Variants in LYN observed in about 807,000 individuals in gnomAD.
LYN encodes the protein tyrosine-protein kinase Lyn.
A neutral mutation model predicts 65.0 loss-of-function variants in LYN; 12 were observed. The ratio of observed to expected loss-of-function variants is 0.18; its 90% CI spans 0.12 to 0.30. The LOEUF (loss-of-function observed/expected upper bound fraction) is 0.30, where lower values mean the gene tolerates loss of function less well. LYN is among the 10% of genes least tolerant of loss of function. The pLI is 1.00. For synonymous variants in LYN, 222 were observed against 221.2 expected (o/e 1.00, Z -0.03); for missense variants, 380 against 623.2 (o/e 0.61, Z 4.16).
Position 56,006,512 on chromosome 8 carries a change from CCTT to C in LYN, c.1337-3390_1337-3388del, listed in dbSNP as rs552901878. On this transcript the variant is annotated intron_variant, in intron 12 of 12. Coordinates refer to ENST00000519728, the MANE Select transcript of LYN (RefSeq NM_002350.4). Reference sequence around the variant, plus strand: ...TTTCTCTACTGTACCACATTTTTCTCCTTCTTCTGCTTCTTTACCAACTTGTAG... The same window carrying C: ...TTTCTCTACTGTACCACATTTTTCTCCTTCTGCTTCTTTACCAACTTGTAG... Among the ~76,000 whole-genome samples the C allele has an allele frequency of 4.9e-3, 748 of 152,284 alleles. 7 individuals carry two copies. Among genetic ancestry groups the C allele is most frequent in the African/African-American group, 0.017 (700 of 41,564 alleles).
chr8:56,007,957 A>G lies in LYN; in HGVS notation c.1337-1951A>G, dbSNP rs191520039. ...AACATGGTGAAACCCCGTCTCTACT[A>G]AAAATACAAAAATTAGCCGGGCATG... On this transcript the variant is annotated intron_variant, in intron 12 of 12. Transcript: ENST00000519728. Among the ~76,000 whole-genome samples the G allele has an allele frequency of 2.5e-3, 387 of 152,036 alleles. 4 individuals are homozygous for G. Among genetic ancestry groups the G allele is most frequent in the African/African-American group, 9.0e-3 (374 of 41,456 alleles).
At chr8:55,915,833 C>T (rs1436130867) in intron 1 of LYN, among the ~76,000 whole-genome samples, 1 of 151,584 alleles carries the variant, frequency 6.6e-6, no homozygotes, top group African/African-American at 2.4e-5. Flanking sequence ...AGAGAGCGAG[C>T]GAGCGAGAGA....
chr8:55,903,365 A>G lies in LYN; in HGVS notation c.-6+23262A>G, dbSNP rs866724507. Among the ~76,000 whole-genome samples, 5 of 152,360 alleles carry G rather than the reference A, an allele frequency of 3.3e-5. No individual in the cohort carries two copies. In the South Asian group the frequency reaches 1.0e-3, roughly 32 times the overall value. ...TTTGAGGTGTTTATTTGAAGTATTC[A>G]AAAGAACAGAGAGATTCCAGTAGGG... On this transcript the variant is annotated intron_variant, in intron 1 of 12. Transcript: ENST00000519728.
chr8:55,986,189 C>CG (rs1226568612), intron 10 of LYN, among the ~76,000 whole-genome samples: 2 of 150,718 alleles, frequency 1.3e-5, no homozygotes, highest in African/African-American at 4.9e-5. Flanking sequence ...CCAGAATCCC[C>CG]CCCGCAAAAA....
intron 8 of LYN, among the ~76,000 whole-genome samples, chr8:55,966,407 A>G (rs1472926582): frequency 2.0e-5 from 3 of 150,948 alleles, no homozygotes; most frequent in Admixed American, 1.3e-4. Flanking sequence ...GCACTCTGTC[A>G]CCCAGGCTGG....
intron 1 of LYN, among the ~76,000 whole-genome samples, chr8:55,909,278 G>A (rs950581318): frequency 6.6e-6 from 1 of 152,058 alleles, no homozygotes; most frequent in African/African-American, 2.4e-5. Flanking sequence ...CAGGAGGAGG[G>A]CCTCTCTGCA....
chr8:55,926,411 T>G (rs1806111900), intron 1 of LYN, among the ~76,000 whole-genome samples: 1 of 152,274 alleles, frequency 6.6e-6, no homozygotes, highest in Non-Finnish European at 1.5e-5. Flanking sequence ...CATTATCAGA[T>G]GTACTTTGCC....
Position 56,010,132 on chromosome 8 carries a change from T to C in LYN, c.*22T>C. The C allele has an allele frequency of 1.2e-6, 2 of 1,612,544 alleles. No homozygotes were observed. Among genetic ancestry groups the C allele is most frequent in the Non-Finnish European group, 1.7e-6 (2 of 1,178,680 alleles). ...TTAGAGCACAGGGAGACCCGTCCAT[T>C]TGGCAGGGGTGGCTGCCTCATTTAG... On this transcript the variant is annotated 3_prime_UTR_variant, in exon 13 of 13. Transcript: ENST00000519728.
Position 56,010,717 on chromosome 8 carries a change from T to A in LYN, c.*607T>A, listed in dbSNP as rs886791416. ...TAAAACATTTTTCTTCTATGAACAC[T>A]GCTCAGACCTGCTAGACATGCCATA... On this transcript the variant is annotated 3_prime_UTR_variant, in exon 13 of 13. Transcript: ENST00000519728. The A allele has an allele frequency of 3.1e-5, 7 of 223,060 alleles. No homozygotes were observed. Among genetic ancestry groups the A allele is most frequent in the Middle Eastern group, 1.4e-3 (1 of 732 alleles). The allele number at this position is 223,060 out of a possible 1,614,324, so 13.8% of individuals were successfully genotyped here. A position where few individuals can be genotyped will look rare whatever the true frequency, so the allele number is the denominator to read the frequency against.
At position 55,987,497 on chromosome 8, in the gene LYN, C is replaced by G. The variant is rs1808109980; in HGVS notation, c.1051-10849C>G. On this transcript the variant is annotated intron_variant, in intron 10 of 12. Coordinates refer to ENST00000519728, the MANE Select transcript of LYN (RefSeq NM_002350.4). ...CCAGGATGGAGTGCAGTGGTGCAGT[C>G]TTGTCTTGCAACCTCCGCTTCCTGG... Among the ~76,000 whole-genome samples the G allele has an allele frequency of 2.6e-5, 4 of 152,116 alleles. No homozygotes were observed. The South Asian group carries it at 8.3e-4, about 32-fold the overall frequency.
At chr8:55,922,428 T>C (rs1007079074) in intron 1 of LYN, among the ~76,000 whole-genome samples, 3 of 151,810 alleles carry the variant, frequency 2.0e-5, no homozygotes, top group Non-Finnish European at 4.4e-5. Flanking sequence ...TGTGTGCCAG[T>C]GTATTAATTT....
chr8:55,904,808 G>T (rs1318807352), intron 1 of LYN, among the ~76,000 whole-genome samples: 1 of 152,102 alleles, frequency 6.6e-6, no homozygotes, highest in Non-Finnish European at 1.5e-5. Flanking sequence ...TTCAATTCTA[G>T]GGTGGAGCTC....
At chr8:55,931,485 G>T (rs1806269992) in intron 1 of LYN, among the ~76,000 whole-genome samples, 1 of 151,254 alleles carries the variant, frequency 6.6e-6, no homozygotes. Flanking sequence ...TTTTAAATAA[G>T]GTATATATGA....
chr8:55,937,185 T>G (rs1459402528), intron 1 of LYN, among the ~76,000 whole-genome samples: 1 of 152,190 alleles, frequency 6.6e-6, no homozygotes, highest in Admixed American at 6.5e-5. Context: ...TACAGGATCT[T>G]TTACCTCACA....
intron 1 of LYN, among the ~76,000 whole-genome samples, chr8:55,881,964 G>T (rs1804664148): frequency 6.6e-6 from 1 of 152,226 alleles, no homozygotes; most frequent in Non-Finnish European, 1.5e-5. Flanking sequence ...AGGACATAGG[G>T]AGATGAAGAA....
intron 12 of LYN, among the ~76,000 whole-genome samples, chr8:56,009,149 T>C (rs374033168): frequency 6.6e-5 from 10 of 152,240 alleles, no homozygotes; most frequent in South Asian, 2.1e-4. Context: ...ATTTTTTTCA[T>C]AAATATACTA....
chr8:55,930,375 A>G (rs897736404), intron 1 of LYN, among the ~76,000 whole-genome samples: 2 of 152,210 alleles, frequency 1.3e-5, no homozygotes, highest in African/African-American at 2.4e-5. Context: ...TGGGACATAA[A>G]TACACTATTA....
intron 1 of LYN, among the ~76,000 whole-genome samples, chr8:55,884,965 AC>A (rs1429558033): frequency 3.9e-5 from 6 of 152,208 alleles, no homozygotes; most frequent in Non-Finnish European, 8.8e-5. Flanking sequence ...CACTCAGGAT[AC>A]AGTTTTCCTT....
chr8:55,932,942 A>G (rs992557360), intron 1 of LYN, among the ~76,000 whole-genome samples: 3 of 152,184 alleles, frequency 2.0e-5, no homozygotes, highest in African/African-American at 7.2e-5. Flanking sequence ...GATAGGAGCA[A>G]TAGACACGGG....
Sources: gnomAD v4.1 joint callset for allele counts (sites outside exome capture counted in the v4.1 genomes callset) on GRCh38, gnomAD v4.1.1 for gene constraint, MANE v1.5 for transcripts, NCBI Gene and HGNC (gene_info 2026-07-23, HGNC 2026-07-21) for gene names.